The following POLK variants were observed in gnomAD, a reference collection of about 807,000 sequenced individuals.
POLK encodes the protein polymerase (DNA directed) kappa.
In POLK, 76 loss-of-function variants were observed where a neutral mutation model predicts 94.0. The observed-to-expected ratio is 0.81, with a 90% CI of 0.67 to 0.98. The LOEUF is 0.98. Ranked by LOEUF, POLK falls within the 50% of genes least tolerant of loss-of-function variation. The pLI, the probability that POLK is intolerant of heterozygous loss-of-function variation, is 0.00. For synonymous variants in POLK, 349 were observed against 325.4 expected, an observed-to-expected ratio of 1.07 and a Z score of -0.78; for missense variants, 954 against 1,010.1, an observed-to-expected ratio of 0.94 and a Z score of 0.75.
At chr5:75,535,324 C>A (rs1769387969) in intron 1 of POLK, among the ~76,000 whole-genome samples, 1 of 152,192 alleles carries the variant, frequency 6.6e-6, no homozygotes, top group Non-Finnish European at 1.5e-5. Flanking sequence ...GACAAGTCTG[C>A]TTGTTAGCCT....
chr5:75,527,320 G>T (rs987904451), intron 1 of POLK, among the ~76,000 whole-genome samples: 3 of 151,842 alleles, frequency 2.0e-5, no homozygotes, highest in African/African-American at 7.3e-5. Flanking sequence ...TTCTAGAGCA[G>T]CCTGGGCAAC....
At chr5:75,565,901 C>T (rs564420440) in intron 3 of POLK, among the ~76,000 whole-genome samples, 11 of 152,348 alleles carry the variant, frequency 7.2e-5, no homozygotes, top group Admixed American at 1.3e-4. Flanking sequence ...CTGTGCTGGG[C>T]GATCCGCTGC....
chr5:75,573,182 C>G (rs1448426361), intron 4 of POLK, among the ~76,000 whole-genome samples: 1 of 152,090 alleles, frequency 6.6e-6, no homozygotes, highest in Non-Finnish European at 1.5e-5. Flanking sequence ...ACTATGCAGC[C>G]ATAAAAAATG....
intron 2 of POLK, among the ~76,000 whole-genome samples, chr5:75,550,572 C>A (rs893643989): frequency 6.6e-6 from 1 of 151,890 alleles, no homozygotes; most frequent in Non-Finnish European, 1.5e-5. Context: ...GAGCAAGACT[C>A]CTTCTCAGAA....
intron 1 of POLK, among the ~76,000 whole-genome samples, chr5:75,532,628 G>A (rs894330923): frequency 2.0e-5 from 3 of 152,114 alleles, no homozygotes; most frequent in Admixed American, 2.0e-4. Context: ...AGGTTGAATG[G>A]TAATTCTGTT....
the POLK span, chr5:75,609,848 A>T: frequency 6.3e-4 from 96 of 152,372 alleles, no homozygotes; most frequent in African/African-American, 2.2e-3. Flanking sequence ...TTTGAATTTA[A>T]TGCCTCAAAT....
chr5:75,595,292 A>G lies in POLK; in HGVS notation c.1529-930A>G, dbSNP rs1322360096. On this transcript the variant is annotated intron_variant, in intron 12 of 14. Coordinates refer to ENST00000241436, the Ensembl canonical transcript of POLK. Reference sequence around the variant, plus strand: ...AAAAAAAGCCCAAGAGCAGATATCTATAGAAGCTTAATTCATAATTGCCAA... The same window carrying G: ...AAAAAAAGCCCAAGAGCAGATATCTGTAGAAGCTTAATTCATAATTGCCAA... Among the ~76,000 whole-genome samples, 4 of 150,292 alleles carry G rather than the reference A, an allele frequency of 2.7e-5. No homozygotes were observed. In the South Asian group the frequency reaches 6.4e-4, roughly 24 times the overall value.
At chr5:75,516,074 T>G (rs1768308532) in intron 1 of POLK, among the ~76,000 whole-genome samples, 1 of 152,236 alleles carries the variant, frequency 6.6e-6, no homozygotes, top group African/African-American at 2.4e-5. Context: ...TAAATAAGAT[T>G]ATTTTTCTTT....
downstream of POLK, among the ~76,000 whole-genome samples, chr5:75,605,490 T>C (rs1387363607): frequency 1.3e-5 from 2 of 152,156 alleles, no homozygotes; most frequent in African/African-American, 4.8e-5. Flanking sequence ...GGCTCAAAAG[T>C]TTTTTCCCTC....
chr5:75,591,164 G>T (rs1772761716), intron 11 of POLK, among the ~76,000 whole-genome samples: 2 of 152,084 alleles, frequency 1.3e-5, no homozygotes. Context: ...AGAATAATTT[G>T]AATGTTTCTC....
intron 3 of POLK, among the ~76,000 whole-genome samples, chr5:75,554,639 T>A (rs1770507263): frequency 6.6e-6 from 1 of 152,126 alleles, no homozygotes; most frequent in South Asian, 2.1e-4. Flanking sequence ...TTATTCTTCC[T>A]GATCCTCTCC....
At chr5:75,595,246 C>CAAAAAAA (rs1561412666) in intron 12 of POLK, among the ~76,000 whole-genome samples, 1 of 21,674 alleles carries the variant, frequency 4.6e-5, no homozygotes. Flanking sequence ...AACTCCACCT[C>CAAAAAAA]AGAAAAAAAA....
chr5:75,589,388 T>TACACACACACAC (rs71600465), intron 10 of POLK, among the ~76,000 whole-genome samples: 3,848 of 128,144 alleles, frequency 0.03, 99 homozygotes, highest in Non-Finnish European at 0.033. Context: ...TATACACACA[T>TACACACACACAC]ACACACACAC....
chr5:75,576,210 T>G (rs1771866826), intron 5 of POLK, among the ~76,000 whole-genome samples: 1 of 152,188 alleles, frequency 6.6e-6, no homozygotes, highest in Non-Finnish European at 1.5e-5. Flanking sequence ...TTCCAGATCT[T>G]AATAAGTAAT....
intron 9 of POLK, among the ~76,000 whole-genome samples, chr5:75,586,491 G>A (rs1205118532): frequency 6.6e-6 from 1 of 152,090 alleles, no homozygotes; most frequent in Non-Finnish European, 1.5e-5. Context: ...AACTAATCCT[G>A]TCAGAGCAGC....
chr5:75,581,502 T>A (rs1189101908), intron 7 of POLK, 54 bp downstream of exon 7: 2 of 1,459,944 alleles, frequency 1.4e-6, no homozygotes, highest in South Asian at 2.4e-5. Flanking sequence ...GACTGGCTAA[T>A]TTAAGTGTAA....
chr5:75,526,588 CT>C (rs543279835), intron 1 of POLK, among the ~76,000 whole-genome samples: 5 of 77,832 alleles, frequency 6.4e-5, no homozygotes, highest in African/African-American at 1.5e-4. Flanking sequence ...TTTTTTTTTT[CT>C]TTTTTTTTTG....
chr5:75,576,779 G>A lies in POLK; in HGVS notation c.541-1G>A, dbSNP rs997440990. 6.7e-7 allele frequency: 1 copy of A among 1,484,764 alleles called. No homozygotes were observed. Among genetic ancestry groups the A allele is most frequent in the East Asian group, 2.4e-5 (1 of 41,620 alleles). The allele number at this position is 1,484,764 out of a possible 1,614,324, so 92.0% of individuals were successfully genotyped here. On this transcript the variant is annotated splice_acceptor_variant, in intron 5 of 14. Coordinates refer to ENST00000241436, the Ensembl canonical transcript of POLK. LOFTEE classifies it high-confidence loss of function. ...TAAACTTTTTTTTGTTTCCTTTGAA[G>A]GTTAAGGAAATACTTGCTGATTATG...
intron 1 of POLK, among the ~76,000 whole-genome samples, chr5:75,515,297 G>C (rs1467324211): frequency 6.6e-6 from 1 of 152,122 alleles, no homozygotes; most frequent in Non-Finnish European, 1.5e-5. Context: ...AGGGATAGTG[G>C]AAAAACAACT....
Sources: allele counts gnomAD v4.1 joint callset (sites outside exome capture counted in the v4.1 genomes callset), GRCh38; gene constraint gnomAD v4.1.1; transcripts MANE v1.5; gene names NCBI Gene and HGNC (gene_info 2026-07-23, HGNC 2026-07-21).